DENND2C: variants seen among roughly 807,000 people sequenced by gnomAD.
DENND2C encodes DENN domain-containing protein 2C.
In DENND2C, 72 loss-of-function variants were observed where a neutral mutation model predicts 112.4. That is an observed-to-expected ratio of 0.64 (90% CI 0.53 to 0.78). DENND2C has a LOEUF of 0.78. Ranked by LOEUF, DENND2C falls within the 30% of genes least tolerant of loss-of-function variation. The probability of loss-of-function intolerance (pLI) is 0.00; values close to 1 mark genes in which losing one functional copy is unlikely to be tolerated. For missense variants in DENND2C, 992 were observed against 1,113.8 expected, an observed-to-expected ratio of 0.89 and a Z score of 1.56; for synonymous variants, 329 against 381.6, an observed-to-expected ratio of 0.86 and a Z score of 1.61.
chr1:114,622,919 C>T, intron 6 of DENND2C, 68 bp downstream of exon 6: 1 of 1,246,064 alleles, frequency 8.0e-7, no homozygotes, highest in Non-Finnish European at 1.1e-6. Context: ...AGTTAAATCC[C>T]CTTAATCTTT....
rs1656327393 is a variant in DENND2C at position 114,625,883 on chromosome 1, A to G, written c.102T>C (p.Gly34=). 6.2e-7 allele frequency: 1 copy of G among 1,613,992 alleles called. No homozygotes were observed. The highest frequency in any genetic ancestry group is 1.7e-5 in the Admixed American group (1 of 60,008). The change falls in exon 4 of 21, where the codon GGT becomes GGC. Residue 34 remains glycine, a synonymous_variant. Coordinates refer to ENST00000393274, the MANE Select transcript of DENND2C (RefSeq NM_001256404.2). The part of the protein sequence containing the change: ...KISQWEGRAN[G]ISNPEKWCPK... The stretch of plus-strand genomic sequence containing the variant: ...GACACCACTTTTCTGGATTAGATAT[A>G]CCATTAGCCCTTCCTTCCCATTGAG...
At chr1:114,623,756 GAC>G in intron 4 of DENND2C, 113 bp from the exon 5 acceptor site, 2 of 972,130 alleles carry the variant, frequency 2.1e-6, no homozygotes, top group Non-Finnish European at 2.8e-6. Context: ...TATTTTTTGA[GAC>G]AGAATCTCAG....
chr1:114,628,500 T>C (rs1205948749), intron 3 of DENND2C, among the ~76,000 whole-genome samples: 1 of 152,208 alleles, frequency 6.6e-6, no homozygotes, highest in African/African-American at 2.4e-5. Flanking sequence ...TATGCTTTAA[T>C]ACATGATAGC....
At position 114,585,475 on chromosome 1, in the gene DENND2C, A is replaced by G; in HGVS notation, c.*125T>C. The G allele has an allele frequency of 1.0e-6, 1 of 985,188 alleles. No individual in the cohort carries two copies. The highest frequency in any genetic ancestry group is 2.5e-5 in the East Asian group (1 of 40,282). The allele number at this position is 985,188 out of a possible 1,614,324, so 61.0% of individuals were successfully genotyped here. On this transcript the variant is annotated 3_prime_UTR_variant, in exon 21 of 21. Transcript: ENST00000393274. ...AGGAGAATCCTCCTCTAACAGCCTGACTCGCTCTTTAACCTTTTAAAATTT... is the reference window on the plus strand; with the variant it reads ...AGGAGAATCCTCCTCTAACAGCCTGGCTCGCTCTTTAACCTTTTAAAATTT...
intron 8 of DENND2C, among the ~76,000 whole-genome samples, 155 bp from the exon 9 acceptor site, chr1:114,611,272 AT>A (rs1570770650): frequency 6.6e-6 from 1 of 152,176 alleles, no homozygotes; most frequent in Non-Finnish European, 1.5e-5. Flanking sequence ...TCAAGTTGGG[AT>A]AGTTACCAAA....
chr1:114,601,931 A>G (rs1655522788), intron 12 of DENND2C, among the ~76,000 whole-genome samples, 194 bp downstream of exon 12: 2 of 152,116 alleles, frequency 1.3e-5, no homozygotes, highest in Admixed American at 6.5e-5. Context: ...AAATAAATCC[A>G]TACCCCTTCT....
At chr1:114,635,380 C>CA (rs35690199) in intron 3 of DENND2C, among the ~76,000 whole-genome samples, 28,723 of 151,812 alleles carry the variant, frequency 0.19, 3,629 homozygotes, top group Non-Finnish European at 0.28. Context: ...ATCAATGAAA[C>CA]AAAAAACTGC....
rs182163290 is a variant in DENND2C, at chr1:114,647,218, C to T, written c.-316-1659G>A. ...ATATTCAGGGGTCTGCTAAAATAAC[C>T]AGGTGGCCAAAAGTTGTATGAATAT... On this transcript the variant is annotated intron_variant, in intron 2 of 20. Coordinates refer to ENST00000393274, the MANE Select transcript of DENND2C (RefSeq NM_001256404.2). 2.6e-4 allele frequency among the ~76,000 whole-genome samples: 40 copies of T among 151,152 alleles called. No homozygotes were observed. In the East Asian group the frequency reaches 7.2e-3, roughly 27 times the overall value.
At chr1:114,601,295 A>G (rs986614709) in intron 13 of DENND2C, among the ~76,000 whole-genome samples, 3 of 152,240 alleles carry the variant, frequency 2.0e-5, no homozygotes, top group Admixed American at 1.3e-4. Context: ...GCTTTGGACT[A>G]TGTTCTCCCT....
rs776453755 is a variant in DENND2C at position 114,625,913 on chromosome 1, T to C, written c.72A>G (p.Lys24=). The change falls in exon 4 of 21, where the codon AAA becomes AAG. Residue 24 remains lysine, a synonymous_variant. Coordinates refer to ENST00000393274, the MANE Select transcript of DENND2C (RefSeq NM_001256404.2). ...SRSHCKNIKQ[K]ISQWEGRANG... is the part of the protein sequence containing the mutation. Reference sequence around the variant, plus strand: ...TAGCCCTTCCTTCCCATTGAGAAATTTTTTGTTTGATGTTTTTGCAGTGGC... The same window carrying C: ...TAGCCCTTCCTTCCCATTGAGAAATCTTTTGTTTGATGTTTTTGCAGTGGC... The C allele has an allele frequency of 6.2e-7, 1 of 1,614,114 alleles. No homozygotes were observed. The highest frequency in any genetic ancestry group is 1.1e-5 in the South Asian group (1 of 91,082).
At chr1:114,589,565 G>T (rs1191445311) in intron 18 of DENND2C, among the ~76,000 whole-genome samples, 1 of 151,060 alleles carries the variant, frequency 6.6e-6, no homozygotes. Context: ...TAGAGATGGG[G>T]TCTTGCTATG....
chr1:114,652,579 C>G (rs1306788199), intron 2 of DENND2C, among the ~76,000 whole-genome samples: 1 of 151,776 alleles, frequency 6.6e-6, no homozygotes, highest in East Asian at 1.9e-4. Context: ...ATACCAAAAC[C>G]CATAAAGGCT....
chr1:114,630,820 T>A (rs557790721), intron 3 of DENND2C, among the ~76,000 whole-genome samples: 1 of 152,308 alleles, frequency 6.6e-6, no homozygotes, highest in East Asian at 1.9e-4. Flanking sequence ...GGGAGATTTT[T>A]AAGCTAACCC....
intron 20 of DENND2C, among the ~76,000 whole-genome samples, chr1:114,586,281 TGTTTTTA>T (rs974570455): frequency 2.0e-5 from 3 of 152,172 alleles, no homozygotes; most frequent in African/African-American, 4.8e-5. Flanking sequence ...CTAAACCAAG[TGTTTTTA>T]ATCTGGAGTA....
chr1:114,619,420 G>A (rs979673177), intron 7 of DENND2C, among the ~76,000 whole-genome samples: 5 of 152,134 alleles, frequency 3.3e-5, no homozygotes, highest in African/African-American at 7.2e-5. Flanking sequence ...AAAGTTGCCC[G>A]AGAAAAACGC....
At chr1:114,650,392 C>T (rs536261629) in intron 2 of DENND2C, among the ~76,000 whole-genome samples, 9 of 151,128 alleles carry the variant, frequency 6.0e-5, no homozygotes, top group East Asian at 2.0e-4. Context: ...TGGCTGGGTG[C>T]GGTGGCTCAC....
chr1:114,654,032 G>C (rs1169528987), intron 2 of DENND2C, among the ~76,000 whole-genome samples: 2 of 152,170 alleles, frequency 1.3e-5, no homozygotes, highest in African/African-American at 2.4e-5. Flanking sequence ...AGAATAAATA[G>C]AATTTATAGT....
At chr1:114,640,652 G>C (rs1281089030) in intron 3 of DENND2C, among the ~76,000 whole-genome samples, 2 of 152,122 alleles carry the variant, frequency 1.3e-5, no homozygotes, top group Non-Finnish European at 2.9e-5. Context: ...AAAGATGCAA[G>C]GACACGAATC....
At chr1:114,655,321 T>C (rs1657278452) in intron 1 of DENND2C, among the ~76,000 whole-genome samples, 2 of 152,194 alleles carry the variant, frequency 1.3e-5, no homozygotes, top group African/African-American at 4.8e-5. Flanking sequence ...GACATTTATA[T>C]ATGATTAAAG....
Sources: gnomAD v4.1 joint callset for allele counts (sites outside exome capture counted in the v4.1 genomes callset) on GRCh38, gnomAD v4.1.1 for gene constraint, MANE v1.5 for transcripts, NCBI Gene and HGNC (gene_info 2026-07-23, HGNC 2026-07-21) for gene names.